The following GPR137C variants were observed in gnomAD, a reference collection of about 807,000 sequenced individuals.
GPR137C encodes the protein integral membrane protein GPR137C.
A neutral mutation model predicts 43.4 loss-of-function variants in GPR137C; 27 were observed. That is an observed-to-expected ratio of 0.62 (90% CI 0.46 to 0.86). The LOEUF is 0.86. GPR137C is among the 40% of genes least tolerant of loss of function. GPR137C has a pLI of 0.00. For missense variants in GPR137C, 522 were observed against 534.6 expected, an observed-to-expected ratio of 0.98 and a Z score of 0.23; for synonymous variants, 285 against 226.9, an observed-to-expected ratio of 1.26 and a Z score of -2.30.
chr14:52,576,802 C>T (rs962516069), intron 1 of GPR137C, among the ~76,000 whole-genome samples: 1 of 152,098 alleles, frequency 6.6e-6, no homozygotes, highest in Non-Finnish European at 1.5e-5. Context: ...CAAGGCGAGT[C>T]TCAATAAGTT....
intron 1 of GPR137C, among the ~76,000 whole-genome samples, chr14:52,581,593 C>T (rs1201161343): frequency 2.0e-5 from 3 of 151,642 alleles, no homozygotes; most frequent in African/African-American, 7.3e-5. Flanking sequence ...CAATTTATGG[C>T]TAAAGTAGCT....
intron 6 of GPR137C, among the ~76,000 whole-genome samples, 157 bp downstream of exon 6, chr14:52,634,103 C>T (rs1289095830): frequency 6.6e-6 from 1 of 152,034 alleles, no homozygotes; most frequent in Admixed American, 6.6e-5. Flanking sequence ...AGATGTTAAA[C>T]CCAGGGTGGG....
chr14:52,612,435 C>G, intron 3 of GPR137C: 1 of 982,364 alleles, frequency 1.0e-6, no homozygotes, highest in Non-Finnish European at 1.2e-6. Context: ...TAATTTTCTT[C>G]AAAATCAGTT....
chr14:52,564,279 A>AAC, intron 1 of GPR137C, among the ~76,000 whole-genome samples: 1 of 151,494 alleles, frequency 6.6e-6, no homozygotes, highest in East Asian at 1.9e-4. Context: ...CGTCTCAAAA[A>AAC]AAAAAAAAAA....
intron 1 of GPR137C, among the ~76,000 whole-genome samples, chr14:52,585,567 C>T (rs2038702812): frequency 6.6e-6 from 1 of 152,232 alleles, no homozygotes; most frequent in Admixed American, 6.5e-5. Context: ...GGTATGGTGG[C>T]TCACGCCTGT....
intron 1 of GPR137C, among the ~76,000 whole-genome samples, chr14:52,560,209 T>A (rs1447224155): frequency 6.6e-6 from 1 of 152,020 alleles, no homozygotes; most frequent in African/African-American, 2.4e-5. Context: ...TATTTAGGAA[T>A]AAATAAAAGA....
At chr14:52,606,230 T>C (rs2038982372) in intron 3 of GPR137C, among the ~76,000 whole-genome samples, 1 of 152,170 alleles carries the variant, frequency 6.6e-6, no homozygotes, top group African/African-American at 2.4e-5. Flanking sequence ...TACTCATTAT[T>C]GATGTATTCA....
Position 52,610,094 on chromosome 14 carries a change from C to T in GPR137C, c.717+9753C>T, listed in dbSNP as rs76787122. Among the ~76,000 whole-genome samples the T allele has an allele frequency of 3.0e-3, 463 of 152,304 alleles. 1 individual carries two copies. Among genetic ancestry groups the T allele is most frequent in the Middle Eastern group, 0.014 (4 of 294 alleles). ...GGCTTCTTTGCATTCAGGCCTCAGT[C>T]GCTTTTTCAAAGTTGCTCTTCTTCA... On this transcript the variant is annotated intron_variant, in intron 3 of 6. Coordinates refer to ENST00000321662, the MANE Select transcript of GPR137C (RefSeq NM_001099652.2).
intron 1 of GPR137C, among the ~76,000 whole-genome samples, chr14:52,560,184 G>A (rs533148162): frequency 1.3e-5 from 2 of 152,192 alleles, no homozygotes; most frequent in East Asian, 1.9e-4. Context: ...ATGCAATAGT[G>A]TCAAAAAATT....
chr14:52,621,808 G>C (rs1402987240), intron 3 of GPR137C, among the ~76,000 whole-genome samples: 1 of 151,520 alleles, frequency 6.6e-6, no homozygotes, highest in Non-Finnish European at 1.5e-5. Flanking sequence ...AAAAATTATT[G>C]ATGATGCCAG....
rs2038908072 is a variant in GPR137C, at chr14:52,600,253, G to A, written c.629G>A (p.Ser210Asn). 1.9e-6 allele frequency: 3 copies of A among 1,613,394 alleles called. No individual in the cohort carries two copies. The highest frequency in any genetic ancestry group is 1.3e-5 in the African/African-American group (1 of 74,880). The change falls in exon 3 of 7, where the codon AGC (serine) becomes AAC (asparagine). Residue 210 changes from serine (S) to asparagine (N), a missense_variant. Ser to Asn is a conservative substitution (Grantham distance 46). Around this residue, in one of 3 missense-constraint regions of GPR137C, gnomAD observed 437 missense variants for 425.7 expected, o/e 1.03. Transcript: ENST00000321662. ...TTTGTTCGAGCATTAATTAATGATA[G>A]CCTGTTTATTCTTTGTGCCATCTCT... is the stretch of plus-strand genomic sequence containing the variant. ...TVFVRALIND[S>N]LFILCAISLV... is the part of the protein sequence containing the mutation.
chr14:52,563,694 G>A (rs1025383604), intron 1 of GPR137C, among the ~76,000 whole-genome samples: 5 of 152,032 alleles, frequency 3.3e-5, no homozygotes, highest in African/African-American at 9.7e-5. Flanking sequence ...CCCCATTTCC[G>A]TGACTAGTAT....
At position 52,553,507 on chromosome 14, in the gene GPR137C, C is replaced by A. The variant is rs748312487; in HGVS notation, c.360C>A (p.His120Gln). The A allele has an allele frequency of 6.2e-7, 1 of 1,609,296 alleles. No individual in the cohort carries two copies. Among genetic ancestry groups the A allele is most frequent in the African/African-American group, 1.3e-5 (1 of 75,056 alleles). The change falls in exon 1 of 7, where the codon CAC becomes CAA. Residue 120 changes from histidine (H) to glutamine (Q), a missense_variant. By Grantham distance (24) the His-to-Gln change is conservative. Around this residue, in one of 3 missense-constraint regions of GPR137C, gnomAD observed 437 missense variants for 425.7 expected, o/e 1.03. Coordinates refer to ENST00000321662, the MANE Select transcript of GPR137C (RefSeq NM_001099652.2). ...LPLLRPPAHLHFFPHWLLYCF... is the reference protein window; with the variant it reads ...LPLLRPPAHLQFFPHWLLYCF... The stretch of plus-strand genomic sequence containing the variant: ...TGCTCCGGCCGCCCGCTCACCTGCA[C>A]TTCTTCCCCCACTGGCTGCTCTACT...
intron 3 of GPR137C, among the ~76,000 whole-genome samples, chr14:52,619,850 T>C (rs2039140526): frequency 6.6e-6 from 1 of 152,134 alleles, no homozygotes; most frequent in African/African-American, 2.4e-5. Context: ...AATTTATTAA[T>C]TAATTCTACT....
chr14:52,562,372 AT>A (rs1428949076), intron 1 of GPR137C, among the ~76,000 whole-genome samples: 1 of 152,218 alleles, frequency 6.6e-6, no homozygotes, highest in African/African-American at 2.4e-5. Flanking sequence ...TGGTAGTACT[AT>A]TGATTGTTGG....
At chr14:52,621,018 CAATTTTGGTGAAAGACATA>C (rs935463554) in intron 3 of GPR137C, among the ~76,000 whole-genome samples, 1 of 151,560 alleles carries the variant, frequency 6.6e-6, no homozygotes, top group African/African-American at 2.4e-5. Context: ...CTAAACTTTC[CAATTTTGGTGAAAGACATA>C]AATTATAAAT....
Position 52,633,890 on chromosome 14 carries a change from A to C in GPR137C, c.1056A>C (p.Pro352=), listed in dbSNP as rs1398046429. 1.2e-6 allele frequency: 2 copies of C among 1,613,084 alleles called. No individual in the cohort carries two copies. Among genetic ancestry groups the C allele is most frequent in the Non-Finnish European group, 1.7e-6 (2 of 1,179,206 alleles). The change falls in exon 6 of 7, where the codon CCA becomes CCC. Residue 352 remains proline (P), a synonymous_variant. Coordinates refer to ENST00000321662, the MANE Select transcript of GPR137C (RefSeq NM_001099652.2). Reference sequence around the variant, plus strand: ...CCAGAGCTTACTTTTTCGACAATCCAAGACGATATGATAGTGATGATGACC... The same window carrying C: ...CCAGAGCTTACTTTTTCGACAATCCCAGACGATATGATAGTGATGATGACC... ...YSSRAYFFDN[P]RRYDSDDDLP...
intron 1 of GPR137C, among the ~76,000 whole-genome samples, chr14:52,574,084 C>G (rs1035061839): frequency 5.9e-5 from 9 of 151,614 alleles, no homozygotes; most frequent in African/African-American, 1.7e-4. Flanking sequence ...TGCTGGAGAG[C>G]ATGTGGAGAA....
rs1039813082 is a variant in GPR137C at position 52,636,067 on chromosome 14, A to G, written c.*952A>G. On this transcript the variant is annotated 3_prime_UTR_variant, in exon 7 of 7. Coordinates refer to ENST00000321662, the MANE Select transcript of GPR137C (RefSeq NM_001099652.2). ...GTGAATCAGGATTGTCCTCAGGTAAATGAAATCATGATACATTATTGCAGT... is the reference window on the plus strand; with the variant it reads ...GTGAATCAGGATTGTCCTCAGGTAAGTGAAATCATGATACATTATTGCAGT... 3.3e-5 allele frequency: 5 copies of G among 152,142 alleles called. No individual in the cohort carries two copies. Among genetic ancestry groups the G allele is most frequent in the Non-Finnish European group, 1.5e-5 (1 of 67,996 alleles). 9.4% of individuals were successfully genotyped at this position (152,142 alleles called of 1,614,324 possible).
Sources: allele counts gnomAD v4.1 joint callset (sites outside exome capture counted in the v4.1 genomes callset), GRCh38; gene constraint gnomAD v4.1.1; regional missense constraint gnomAD v4.1.1; transcripts MANE v1.5; gene names NCBI Gene and HGNC (gene_info 2026-07-23, HGNC 2026-07-21).